The following THOC5 variants were observed in gnomAD, a reference collection of about 807,000 sequenced individuals.
The protein encoded by THOC5 is THO complex subunit 5, also known as Fms-interacting protein.
Under a neutral mutation model 92.9 loss-of-function variants are expected in THOC5, and 43 were observed. The ratio of observed to expected loss-of-function variants is 0.46; its 90% CI spans 0.36 to 0.60. The LOEUF (loss-of-function observed/expected upper bound fraction) is 0.60, where lower values mean the gene tolerates loss of function less well. Among genes scored for constraint, THOC5 ranks in the 20% least tolerant of loss-of-function variants. The pLI is 0.00. For missense variants in THOC5, 659 were observed against 849.4 expected (o/e 0.78, Z 2.79); for synonymous variants, 296 against 320.1 (o/e 0.92, Z 0.80).
intron 2 of THOC5, among the ~76,000 whole-genome samples, chr22:29,546,943 C>T (rs558327790): frequency 4.0e-5 from 6 of 151,678 alleles, no homozygotes; most frequent in South Asian, 2.1e-4. Flanking sequence ...CGGGTTCAAG[C>T]GATTCTCCTG....
chr22:29,537,839 C>T (rs531044171), intron 6 of THOC5, among the ~76,000 whole-genome samples: 5 of 151,572 alleles, frequency 3.3e-5, no homozygotes, highest in East Asian at 3.9e-4. Context: ...TGCAGCAAGC[C>T]GAGATCACAC....
intron 1 of THOC5, among the ~76,000 whole-genome samples, chr22:29,552,495 G>C (rs2064180496): frequency 6.6e-6 from 1 of 151,752 alleles, no homozygotes; most frequent in South Asian, 2.1e-4. Flanking sequence ...GAGGTGAGGA[G>C]CCCCTCCACC....
chr22:29,506,329 T>C lies in THOC5; in HGVS notation c.*2128A>G, dbSNP rs1341392480. On this transcript the variant is annotated 3_prime_UTR_variant, in exon 20 of 20. Coordinates refer to ENST00000490103, the MANE Select transcript of THOC5 (RefSeq NM_003678.5). ...AGGTTGTTACCTATCTTCCCAAGACTTCTCTTAATCAAATAATTATATTTT... is the reference window on the plus strand; with the variant it reads ...AGGTTGTTACCTATCTTCCCAAGACCTCTCTTAATCAAATAATTATATTTT... The C allele has an allele frequency of 6.6e-6, 1 of 152,202 alleles. No homozygotes were observed. The highest frequency in any genetic ancestry group is 2.4e-5 in the African/African-American group (1 of 41,460). The allele number at this position is 152,202 out of a possible 1,614,324, so 9.4% of individuals were successfully genotyped here.
chr22:29,517,034 C>A lies in THOC5; in HGVS notation c.1676G>T (p.Gly559Val), dbSNP rs1472869432. 1 of 1,614,080 alleles carries A rather than the reference C, an allele frequency of 6.2e-7. No homozygotes were observed. Among genetic ancestry groups the A allele is most frequent in the Non-Finnish European group, 8.5e-7 (1 of 1,179,970 alleles). Residue 559 changes from glycine to valine, a missense_variant, in exon 17 of 20, where the codon GGC becomes GTC. Transcript: ENST00000490103. ...NLYYMALIER[G>V]TAKLQAAVVL... is the part of the protein sequence containing the mutation. ...GTAATCAGCAGAGCAATTACCTGTG[C>A]CCCTTTCGATGAGCGCCATGTAGTA...
intron 6 of THOC5, 44 bp from the exon 7 acceptor site, chr22:29,536,782 G>A (rs1240749123): frequency 9.3e-7 from 1 of 1,080,362 alleles, no homozygotes; most frequent in Non-Finnish European, 1.4e-6. Flanking sequence ...ATCCCCCAGT[G>A]ATACCTCAAC....
intron 19 of THOC5, among the ~76,000 whole-genome samples, chr22:29,510,217 C>T (rs908669306): frequency 2.6e-5 from 4 of 152,178 alleles, no homozygotes; most frequent in South Asian, 2.1e-4. Flanking sequence ...TGGCATTTTC[C>T]GAGTCCCAGT....
At chr22:29,530,364 T>C (rs1174816470) in intron 8 of THOC5, among the ~76,000 whole-genome samples, 1 of 150,948 alleles carries the variant, frequency 6.6e-6, no homozygotes, top group African/African-American at 2.4e-5. Context: ...ACTAAATATA[T>C]AAAAATTAGC....
rs772602902 is a variant in THOC5, at chr22:29,539,500, A to C, written c.453-24T>G. 2.1e-5 allele frequency: 34 copies of C among 1,606,214 alleles called. 1 individual carries two copies. The highest frequency in any genetic ancestry group is 2.0e-5 in the Non-Finnish European group (23 of 1,176,646). The stretch of plus-strand genomic sequence containing the variant: ...ACCTACAGACAAAAACATGACATCA[A>C]GCTGCTGTTCTCAGGAAACTAAACT... On this transcript the variant is annotated intron_variant, in intron 5 of 19. Coordinates refer to ENST00000490103, the MANE Select transcript of THOC5 (RefSeq NM_003678.5).
intron 2 of THOC5, among the ~76,000 whole-genome samples, chr22:29,547,757 G>C (rs965396944): frequency 3.9e-5 from 6 of 152,106 alleles, no homozygotes; most frequent in African/African-American, 1.2e-4. Context: ...CCTCCAAACT[G>C]TTCCAACCTC....
chr22:29,553,242 A>AAAAC (rs573802821), intron 1 of THOC5, among the ~76,000 whole-genome samples: 6 of 152,216 alleles, frequency 3.9e-5, no homozygotes, highest in African/African-American at 1.2e-4. Flanking sequence ...AATAAATACT[A>AAAAC]AAACAAACAA....
intron 7 of THOC5, chr22:29,535,333 A>G (rs1352365508): frequency 6.6e-6 from 1 of 152,192 alleles, no homozygotes; most frequent in Non-Finnish European, 1.5e-5. Flanking sequence ...AAAAGGAAAA[A>G]AAAAAAAAGT....
intron 11 of THOC5, among the ~76,000 whole-genome samples, chr22:29,527,094 C>T (rs1401696921): frequency 6.6e-6 from 1 of 152,062 alleles, no homozygotes; most frequent in Non-Finnish European, 1.5e-5. Context: ...TATAGGAACT[C>T]ATGTTATTTT....
intron 6 of THOC5, among the ~76,000 whole-genome samples, chr22:29,539,017 T>C (rs2063822083): frequency 7.0e-6 from 1 of 143,362 alleles, no homozygotes; most frequent in Admixed American, 7.5e-5. Flanking sequence ...GGCTGAGGAC[T>C]GAGAATCACT....
intron 12 of THOC5, among the ~76,000 whole-genome samples, chr22:29,523,195 T>G (rs2063478588): frequency 6.6e-6 from 1 of 151,716 alleles, no homozygotes; most frequent in Admixed American, 6.6e-5. Context: ...TGAGTCAAGA[T>G]CTCACCACTG....
chr22:29,541,282 G>T (rs2063876071), intron 5 of THOC5, among the ~76,000 whole-genome samples: 1 of 152,110 alleles, frequency 6.6e-6, no homozygotes, highest in Non-Finnish European at 1.5e-5. Context: ...GGCCAAGGCA[G>T]GTGGATCATT....
At position 29,548,122 on chromosome 22, in the gene THOC5, G is replaced by A. The variant is rs192194005; in HGVS notation, c.96+930C>T. Among the ~76,000 whole-genome samples the A allele has an allele frequency of 3.2e-4, 48 of 152,190 alleles. No homozygotes were observed. The East Asian group carries it at 6.9e-3, about 22-fold the overall frequency. The stretch of plus-strand genomic sequence containing the variant: ...GCCCCCATGATTCAATTACCTCCTC[G>A]TAGGTCCCTCCCACAACACATGGCA... On this transcript the variant is annotated intron_variant, in intron 2 of 19. Coordinates refer to ENST00000490103, the MANE Select transcript of THOC5 (RefSeq NM_003678.5).
chr22:29,542,894 G>A lies in THOC5; in HGVS notation c.417C>T (p.His139=), dbSNP rs1184774386. Residue 139 remains histidine (H), a synonymous_variant, in exon 5 of 20, where the codon CAC becomes CAT. Coordinates refer to ENST00000490103, the MANE Select transcript of THOC5 (RefSeq NM_003678.5). ...AACATTTGGTGATCTCCTTCTGTAGGTGCATCACCTCATACAACAGGTTCT... is the reference window on the plus strand; with the variant it reads ...AACATTTGGTGATCTCCTTCTGTAGATGCATCACCTCATACAACAGGTTCT... ...QLQNLLYEVM[H]LQKEITKCLE... The A allele has an allele frequency of 1.9e-6, 3 of 1,613,520 alleles. No individual in the cohort carries two copies. Among genetic ancestry groups the A allele is most frequent in the South Asian group, 1.1e-5 (1 of 90,968 alleles).
At chr22:29,540,586 G>A (rs1192641668) in intron 5 of THOC5, among the ~76,000 whole-genome samples, 1 of 152,182 alleles carries the variant, frequency 6.6e-6, no homozygotes, top group African/African-American at 2.4e-5. Flanking sequence ...CTCCCAACAG[G>A]CGCAAGTTCC....
At chr22:29,537,227 T>C (rs2063776836) in intron 6 of THOC5, among the ~76,000 whole-genome samples, 1 of 152,256 alleles carries the variant, frequency 6.6e-6, no homozygotes. Context: ...GAACAGATTC[T>C]GGACCAGTGC....
Sources: gnomAD v4.1 joint callset for allele counts (sites outside exome capture counted in the v4.1 genomes callset) on GRCh38, gnomAD v4.1.1 for gene constraint, MANE v1.5 for transcripts, NCBI Gene and HGNC (gene_info 2026-07-23, HGNC 2026-07-21) for gene names.